The following LRFN5 variants were observed in gnomAD, a reference collection of about 807,000 sequenced individuals.
LRFN5 encodes leucine rich repeat and fibronectin type III domain containing 5, also known as leucine-rich repeat and fibronectin type-III domain-containing protein 5.
A neutral mutation model predicts 45.6 loss-of-function variants in LRFN5; 24 were observed. The observed-to-expected ratio is 0.53, with a 90% confidence interval of 0.38 to 0.74. LRFN5 has a LOEUF of 0.74. Among genes scored for constraint, LRFN5 ranks in the 30% least tolerant of loss-of-function variants. The pLI, the probability that LRFN5 is intolerant of heterozygous loss-of-function variation, is 0.00. For synonymous variants in LRFN5, 340 were observed against 313.8 expected (o/e 1.08, Z -0.88); for missense variants, 776 against 861.5 (o/e 0.90, Z 1.24).
chr14:41,629,337 A>G (rs1269215270), intron 1 of LRFN5, among the ~76,000 whole-genome samples: 2 of 152,156 alleles, frequency 1.3e-5, no homozygotes, highest in East Asian at 3.9e-4. Flanking sequence ...CTTCATGCTT[A>G]CTTATTTGTG....
At chr14:41,692,198 C>T (rs1458551891) in intron 1 of LRFN5, among the ~76,000 whole-genome samples, 1 of 152,046 alleles carries the variant, frequency 6.6e-6, no homozygotes, top group Non-Finnish European at 1.5e-5. Context: ...CCAACTTGTA[C>T]AAAAGTGTTA....
intron 2 of LRFN5, among the ~76,000 whole-genome samples, chr14:41,797,246 T>C (rs1438070264): frequency 6.6e-6 from 1 of 151,770 alleles, no homozygotes; most frequent in African/African-American, 2.4e-5. Context: ...AATTTTGAAA[T>C]TATTTATTTA....
intron 2 of LRFN5, among the ~76,000 whole-genome samples, chr14:41,822,156 T>A (rs898232980): frequency 3.9e-5 from 6 of 152,004 alleles, no homozygotes; most frequent in African/African-American, 1.4e-4. Context: ...TCAATTTTAT[T>A]GAATTTTTCT....
At chr14:41,723,884 C>T (rs1481709134) in intron 1 of LRFN5, among the ~76,000 whole-genome samples, 1 of 152,180 alleles carries the variant, frequency 6.6e-6, no homozygotes, top group Non-Finnish European at 1.5e-5. Flanking sequence ...ACTTTGTATA[C>T]ACCTGGATTA....
At chr14:41,904,077 C>A in intron 5 of LRFN5, 81 bp from the exon 6 acceptor site, 2 of 1,209,470 alleles carry the variant, frequency 1.7e-6, no homozygotes, top group Non-Finnish European at 2.3e-6. Flanking sequence ...AGATTGCTAG[C>A]ACAATGATCT....
chr14:41,818,701 T>A lies in LRFN5; in HGVS notation c.-21+51672T>A, dbSNP rs559596458. On this transcript the variant is annotated intron_variant, in intron 2 of 5. Coordinates refer to ENST00000298119, the MANE Select transcript of LRFN5 (RefSeq NM_152447.5). Reference sequence around the variant, plus strand: ...ATAGCTACTGTTATCTCTCCAAATATTTTTGTCTTTTTGTGTTGATTCTTT... The same window carrying A: ...ATAGCTACTGTTATCTCTCCAAATAATTTTGTCTTTTTGTGTTGATTCTTT... 2.2e-3 allele frequency among the ~76,000 whole-genome samples: 331 copies of A among 152,268 alleles called. 1 individual carries two copies. Among genetic ancestry groups the A allele is most frequent in the Non-Finnish European group, 3.5e-3 (236 of 67,996 alleles).
intron 1 of LRFN5, among the ~76,000 whole-genome samples, chr14:41,739,829 C>T (rs1429626904): frequency 6.6e-6 from 1 of 151,394 alleles, no homozygotes; most frequent in African/African-American, 2.4e-5. Flanking sequence ...CTAACAAGGA[C>T]AAAGAGAAAG....
At chr14:41,623,561 A>C (rs1200623535) in intron 1 of LRFN5, among the ~76,000 whole-genome samples, 1 of 152,134 alleles carries the variant, frequency 6.6e-6, no homozygotes, top group Non-Finnish European at 1.5e-5. Flanking sequence ...AACGTGGTTC[A>C]GTTGCTTGTG....
chr14:41,678,795 T>C (rs1285352029), intron 1 of LRFN5, among the ~76,000 whole-genome samples: 1 of 152,116 alleles, frequency 6.6e-6, no homozygotes, highest in Non-Finnish European at 1.5e-5. Flanking sequence ...AAAAATCATA[T>C]GAGCAGTCAT....
intron 1 of LRFN5, among the ~76,000 whole-genome samples, chr14:41,725,722 C>T (rs564600188): frequency 4.6e-5 from 7 of 152,252 alleles, no homozygotes; most frequent in Non-Finnish European, 8.8e-5. Flanking sequence ...TCTAAGTCTC[C>T]ACTGAACCAG....
intron 1 of LRFN5, among the ~76,000 whole-genome samples, chr14:41,617,488 C>G (rs367636557): frequency 6.6e-6 from 1 of 151,964 alleles, no homozygotes; most frequent in African/African-American, 2.4e-5. Context: ...TTGATTATTA[C>G]AAAAAATGTG....
chr14:41,731,525 A>G (rs1884176267), intron 1 of LRFN5, among the ~76,000 whole-genome samples: 1 of 152,136 alleles, frequency 6.6e-6, no homozygotes, highest in Non-Finnish European at 1.5e-5. Context: ...TCAAATTTTA[A>G]AATATCCCTC....
chr14:41,608,626 C>T (rs542441185), intron 1 of LRFN5, 64 bp downstream of exon 1: 1 of 152,768 alleles, frequency 6.5e-6, no homozygotes, highest in South Asian at 2.1e-4. Context: ...AGTGTCTTAT[C>T]TGCATTGCAG....
rs1230173621 is a variant in LRFN5, at chr14:41,811,356, G to A, written c.-21+44327G>A. Among the ~76,000 whole-genome samples the A allele has an allele frequency of 2.6e-5, 4 of 152,052 alleles. No individual in the cohort carries two copies. In the East Asian group the frequency reaches 7.7e-4, roughly 29 times the overall value. Reference sequence around the variant, plus strand: ...AATATTGAAGCTACTTTGGATAACAGTTGGTAGTTTCCCAAACTCTTAAAT... The same window carrying A: ...AATATTGAAGCTACTTTGGATAACAATTGGTAGTTTCCCAAACTCTTAAAT... On this transcript the variant is annotated intron_variant, in intron 2 of 5. Coordinates refer to ENST00000298119, the MANE Select transcript of LRFN5 (RefSeq NM_152447.5).
intron 1 of LRFN5, among the ~76,000 whole-genome samples, chr14:41,726,786 T>C: frequency 6.6e-6 from 1 of 152,250 alleles, no homozygotes; most frequent in Non-Finnish European, 1.5e-5. Flanking sequence ...ACGACTAAAA[T>C]GGGTAATATT....
At chr14:41,890,600 G>C (rs1486394122) in intron 3 of LRFN5, among the ~76,000 whole-genome samples, 1 of 151,538 alleles carries the variant, frequency 6.6e-6, no homozygotes, top group African/African-American at 2.4e-5. Flanking sequence ...CCAGCTACTC[G>C]GCAGGCTGAG....
intron 2 of LRFN5, among the ~76,000 whole-genome samples, chr14:41,840,557 G>A (rs1888824145): frequency 1.3e-5 from 2 of 152,002 alleles, no homozygotes; most frequent in African/African-American, 4.8e-5. Context: ...GCAATTTAAA[G>A]TAGCCATTGA....
chr14:41,610,667 A>AC (rs1301859655), intron 1 of LRFN5, among the ~76,000 whole-genome samples: 5 of 135,548 alleles, frequency 3.7e-5, no homozygotes, highest in Non-Finnish European at 6.1e-5. Context: ...AAGGTAAAAA[A>AC]AAAAAAAAAA....
chr14:41,847,263 A>G (rs1029970020), intron 2 of LRFN5, among the ~76,000 whole-genome samples: 1 of 152,108 alleles, frequency 6.6e-6, no homozygotes, highest in Non-Finnish European at 1.5e-5. Context: ...AAAAATGTCT[A>G]ATTAAACTTG....
Sources: gnomAD v4.1 joint callset for allele counts (sites outside exome capture counted in the v4.1 genomes callset) on GRCh38, gnomAD v4.1.1 for gene constraint, MANE v1.5 for transcripts, NCBI Gene and HGNC (gene_info 2026-07-23, HGNC 2026-07-21) for gene names.